The following KIF26B variants were observed in gnomAD, a reference collection of about 807,000 sequenced individuals.
KIF26B encodes kinesin family member 26B.
In KIF26B, 63 loss-of-function variants were observed where a neutral mutation model predicts 151.2. That is an observed-to-expected ratio of 0.42 (90% CI 0.34 to 0.51). The LOEUF (loss-of-function observed/expected upper bound fraction) is 0.51, where lower values mean the gene tolerates loss of function less well. KIF26B is among the 20% of genes least tolerant of loss of function. The pLI is 0.07. For synonymous variants in KIF26B, 1,357 were observed against 1,262.1 expected (o/e 1.08, Z -1.59); for missense variants, 2,813 against 2,913.6 (o/e 0.97, Z 0.79).
At chr1:245,650,016 A>G (rs895987292) in intron 10 of KIF26B, among the ~76,000 whole-genome samples, 1 of 152,244 alleles carries the variant, frequency 6.6e-6, no homozygotes, top group African/African-American at 2.4e-5. Flanking sequence ...TACACAGCAC[A>G]GGCACATTAC....
chr1:245,652,068 A>G (rs2044021971), intron 10 of KIF26B, among the ~76,000 whole-genome samples: 1 of 151,420 alleles, frequency 6.6e-6, no homozygotes, highest in African/African-American at 2.4e-5. Flanking sequence ...GATTTGTTTA[A>G]GATAGCATGA....
At chr1:245,458,426 G>A (rs1392546810) in intron 4 of KIF26B, among the ~76,000 whole-genome samples, 12 of 152,250 alleles carry the variant, frequency 7.9e-5, no homozygotes, top group South Asian at 2.1e-4. Context: ...AGGTCCGCCC[G>A]TCAGTGACTG....
chr1:245,289,860 C>A (rs755174636), intron 2 of KIF26B, among the ~76,000 whole-genome samples: 2 of 152,074 alleles, frequency 1.3e-5, no homozygotes, highest in Admixed American at 1.3e-4. Flanking sequence ...AAGTAGCAAC[C>A]CTCTGCTTAG....
intron 12 of KIF26B, among the ~76,000 whole-genome samples, chr1:245,689,293 G>C (rs939234722): frequency 6.6e-6 from 1 of 152,200 alleles, no homozygotes; most frequent in African/African-American, 2.4e-5. Context: ...GATCAGGTGA[G>C]GGTACCTACC....
chr1:245,378,762 G>T (rs1673334540), intron 3 of KIF26B, among the ~76,000 whole-genome samples: 1 of 152,172 alleles, frequency 6.6e-6, no homozygotes, highest in Non-Finnish European at 1.5e-5. Context: ...ACAATGAGAG[G>T]TTGGGGTCAT....
intron 2 of KIF26B, among the ~76,000 whole-genome samples, chr1:245,274,027 A>G (rs938778467): frequency 2.6e-4 from 40 of 151,836 alleles, no homozygotes; most frequent in Non-Finnish European, 5.1e-4. Flanking sequence ...TGTATCGCCT[A>G]TAGATATTTT....
chr1:245,255,129 C>G (rs4658732), intron 2 of KIF26B, among the ~76,000 whole-genome samples: 53,100 of 152,054 alleles, frequency 0.35, 9,586 homozygotes, highest in East Asian at 0.54. Context: ...CTCTTGCTCT[C>G]TCTTGTTCAT....
At chr1:245,320,666 T>G (rs1671870169) in intron 2 of KIF26B, among the ~76,000 whole-genome samples, 1 of 152,056 alleles carries the variant, frequency 6.6e-6, no homozygotes, top group African/African-American at 2.4e-5. Flanking sequence ...TGTTGTTGTT[T>G]TTGTTTTGTT....
chr1:245,177,058 G>T (rs578060162), intron 2 of KIF26B, among the ~76,000 whole-genome samples: 1 of 152,282 alleles, frequency 6.6e-6, no homozygotes, highest in Non-Finnish European at 1.5e-5. Context: ...TGGCTCAAGC[G>T]ATCTGCTTGC....
rs545860578 is a variant in KIF26B at position 245,652,927 on chromosome 1, G to A, written c.2258+6647G>A. 1.7e-3 allele frequency among the ~76,000 whole-genome samples: 264 copies of A among 152,300 alleles called. 1 individual carries two copies. The highest frequency in any genetic ancestry group is 6.1e-3 in the African/African-American group (254 of 41,558). ...CTCGGGGCTGGGTAGAAATTGGAAGGCGTCTTCCTTTCCCTTTTGGCCTTT... is the reference window on the plus strand; with the variant it reads ...CTCGGGGCTGGGTAGAAATTGGAAGACGTCTTCCTTTCCCTTTTGGCCTTT... On this transcript the variant is annotated intron_variant, in intron 10 of 14. Coordinates refer to ENST00000407071, the MANE Select transcript of KIF26B (RefSeq NM_018012.4).
At chr1:245,674,345 C>T (rs2044331255) in intron 10 of KIF26B, among the ~76,000 whole-genome samples, 1 of 152,142 alleles carries the variant, frequency 6.6e-6, no homozygotes, top group Admixed American at 6.5e-5. Context: ...ATGTCAGAGT[C>T]GTGTTTGCAT....
intron 3 of KIF26B, among the ~76,000 whole-genome samples, chr1:245,376,560 C>T (rs187066595): frequency 4.6e-5 from 7 of 152,162 alleles, no homozygotes; most frequent in African/African-American, 9.6e-5. Flanking sequence ...CTGGCACTGG[C>T]GTAATAGGTA....
chr1:245,430,811 C>G (rs1485365202), intron 4 of KIF26B, among the ~76,000 whole-genome samples: 1 of 152,142 alleles, frequency 6.6e-6, no homozygotes, highest in Non-Finnish European at 1.5e-5. Context: ...GACGTGGAAA[C>G]TGAAGCACAG....
At chr1:245,505,077 T>C (rs750841110) in intron 4 of KIF26B, among the ~76,000 whole-genome samples, 2 of 151,970 alleles carry the variant, frequency 1.3e-5, no homozygotes, top group Middle Eastern at 3.4e-3. Flanking sequence ...TAGTTGGGAT[T>C]ACAGGCACGT....
chr1:245,474,925 G>T (rs932866512), intron 4 of KIF26B, among the ~76,000 whole-genome samples: 1 of 151,652 alleles, frequency 6.6e-6, no homozygotes, highest in Non-Finnish European at 1.5e-5. Flanking sequence ...TTCCCATAAT[G>T]ACCTCTAGTT....
intron 4 of KIF26B, among the ~76,000 whole-genome samples, chr1:245,520,213 C>T (rs927656603): frequency 2.7e-5 from 4 of 146,578 alleles, no homozygotes; most frequent in East Asian, 2.0e-4. Flanking sequence ...AAAAAATAAT[C>T]GAATCAAATT....
chr1:245,387,175 G>GTTTTTTGT (rs1673571188), intron 3 of KIF26B, among the ~76,000 whole-genome samples: 1 of 142,108 alleles, frequency 7.0e-6, no homozygotes, highest in East Asian at 2.0e-4. Flanking sequence ...TTTGTTTTTT[G>GTTTTTTGT]TTTTTTGAGA....
chr1:245,511,592 GTT>G (rs1235269411), intron 4 of KIF26B, among the ~76,000 whole-genome samples: 1 of 152,148 alleles, frequency 6.6e-6, no homozygotes, highest in Admixed American at 6.6e-5. Flanking sequence ...GTTTTTGTTT[GTT>G]TGTTTGTTTG....
At chr1:245,157,913 C>T (rs1668472834) in intron 2 of KIF26B, among the ~76,000 whole-genome samples, 1 of 152,272 alleles carries the variant, frequency 6.6e-6, no homozygotes, top group Non-Finnish European at 1.5e-5. Flanking sequence ...TGATTTTCTA[C>T]TCCATCCGAG....
Sources: gnomAD v4.1 joint callset for allele counts (sites outside exome capture counted in the v4.1 genomes callset) on GRCh38, gnomAD v4.1.1 for gene constraint, MANE v1.5 for transcripts, NCBI Gene and HGNC (gene_info 2026-07-23, HGNC 2026-07-21) for gene names.